Variants in MCTP1 observed in about 807,000 individuals in gnomAD.
The protein encoded by MCTP1 is multiple C2 and transmembrane domain-containing protein 1.
MCTP1 carries 69 observed loss-of-function variants against 120.6 expected under a neutral mutation model. The observed-to-expected ratio is 0.57, with a 90% CI of 0.47 to 0.70. MCTP1 has a LOEUF of 0.70. Among genes scored for constraint, MCTP1 ranks in the 30% least tolerant of loss-of-function variants. MCTP1 has a pLI of 0.00. For missense variants in MCTP1, 1,203 were observed against 1,248.8 expected, an observed-to-expected ratio of 0.96 and a Z score of 0.55; for synonymous variants, 529 against 493.1, an observed-to-expected ratio of 1.07 and a Z score of -0.96.
chr5:95,076,340 T>A (rs1246583349), intron 1 of MCTP1, among the ~76,000 whole-genome samples: 1 of 152,026 alleles, frequency 6.6e-6, no homozygotes, highest in Non-Finnish European at 1.5e-5. Context: ...AAGCATAGCA[T>A]TTTTCAAACT....
At chr5:94,851,524 T>C (rs1245838639) in intron 17 of MCTP1, among the ~76,000 whole-genome samples, 1 of 152,106 alleles carries the variant, frequency 6.6e-6, no homozygotes, top group East Asian at 1.9e-4. Context: ...TTTGCCTATC[T>C]GATAAAGATG....
intron 2 of MCTP1, among the ~76,000 whole-genome samples, chr5:95,002,991 T>A (rs1834019349): frequency 6.6e-6 from 1 of 152,160 alleles, no homozygotes; most frequent in African/African-American, 2.4e-5. Context: ...GCTTCCCCCA[T>A]GCTGTTCTTG....
At position 94,793,846 on chromosome 5, in the gene MCTP1, C is replaced by T. The variant is rs551400860; in HGVS notation, c.2556+5167G>A. Among the ~76,000 whole-genome samples, 46 of 152,306 alleles carry T rather than the reference C, an allele frequency of 3.0e-4. No individual in the cohort carries two copies. In the Middle Eastern group the frequency reaches 0.017, roughly 56 times the overall value. The stretch of plus-strand genomic sequence containing the variant: ...GTCAATCAGATGTTTCTTTGGTGGA[C>T]CATCCCAAACTGTTCAATCAACAGC... On this transcript the variant is annotated intron_variant, in intron 18 of 22. Coordinates refer to ENST00000515393, the MANE Select transcript of MCTP1 (RefSeq NM_024717.7).
chr5:95,160,817 G>T (rs1373010532), intron 1 of MCTP1, among the ~76,000 whole-genome samples: 1 of 151,948 alleles, frequency 6.6e-6, no homozygotes, highest in East Asian at 1.9e-4. Context: ...ATTCTCAAAA[G>T]AAGACATACA....
At chr5:95,125,928 C>T (rs1315144476) in intron 1 of MCTP1, among the ~76,000 whole-genome samples, 1 of 152,220 alleles carries the variant, frequency 6.6e-6, no homozygotes, top group East Asian at 1.9e-4. Context: ...CTTCAAATTA[C>T]TCCAAAACTG....
chr5:94,929,112 C>T (rs17084309), intron 6 of MCTP1, among the ~76,000 whole-genome samples: 4,938 of 152,170 alleles, frequency 0.032, 178 homozygotes, highest in African/African-American at 0.089. Context: ...CATTGCAGAG[C>T]GGGGAGACAG....
chr5:94,812,392 T>C (rs1178941725), intron 17 of MCTP1, among the ~76,000 whole-genome samples: 1 of 150,948 alleles, frequency 6.6e-6, no homozygotes, highest in African/African-American at 2.4e-5. Context: ...AGATGGCTAT[T>C]GTAAAAAGCA....
chr5:95,152,003 A>T (rs1325196915), intron 1 of MCTP1, among the ~76,000 whole-genome samples: 1 of 152,266 alleles, frequency 6.6e-6, no homozygotes, highest in Admixed American at 6.5e-5. Flanking sequence ...ATAGCCAAAG[A>T]TAATACTTTG....
intron 1 of MCTP1, among the ~76,000 whole-genome samples, chr5:95,086,252 A>G (rs760679507): frequency 6.6e-6 from 1 of 152,070 alleles, no homozygotes; most frequent in Admixed American, 6.5e-5. Context: ...TCGGCTATGT[A>G]CCCCCGTACA....
At chr5:94,980,310 A>C (rs944553536) in intron 2 of MCTP1, among the ~76,000 whole-genome samples, 3 of 152,136 alleles carry the variant, frequency 2.0e-5, no homozygotes, top group African/African-American at 7.2e-5. Context: ...TGATGAATGA[A>C]TAATCTTATA....
At chr5:95,149,366 C>G (rs558751984) in intron 1 of MCTP1, among the ~76,000 whole-genome samples, 1 of 152,086 alleles carries the variant, frequency 6.6e-6, no homozygotes, top group African/African-American at 2.4e-5. Flanking sequence ...TCCAAGGTGG[C>G]GAGTCTTGCC....
intron 12 of MCTP1, among the ~76,000 whole-genome samples, chr5:94,885,804 T>G (rs1403613845): frequency 6.6e-6 from 1 of 152,158 alleles, no homozygotes; most frequent in East Asian, 1.9e-4. Flanking sequence ...GTGACTCAAA[T>G]TTTTTCCCTT....
intron 2 of MCTP1, among the ~76,000 whole-genome samples, chr5:95,001,312 A>C (rs188159581): frequency 6.6e-6 from 1 of 152,200 alleles, no homozygotes. Flanking sequence ...CTGTAAAGAT[A>C]CCAAAAAATG....
chr5:95,125,441 T>A (rs1758550208), intron 1 of MCTP1, among the ~76,000 whole-genome samples: 1 of 152,196 alleles, frequency 6.6e-6, no homozygotes, highest in Non-Finnish European at 1.5e-5. Context: ...TAAAGACTCT[T>A]CTTCCTGGAA....
At chr5:94,934,493 G>A (rs1219294071) in intron 5 of MCTP1, among the ~76,000 whole-genome samples, 2 of 151,720 alleles carry the variant, frequency 1.3e-5, no homozygotes, top group Non-Finnish European at 3.0e-5. Flanking sequence ...TAGAGCTGCA[G>A]AAGTAATTGT....
At chr5:94,949,812 G>T (rs1484820056) in intron 3 of MCTP1, among the ~76,000 whole-genome samples, 1 of 152,114 alleles carries the variant, frequency 6.6e-6, no homozygotes, top group African/African-American at 2.4e-5. Flanking sequence ...TAGTCCCTAA[G>T]AAATCTTTTG....
At chr5:95,182,744 G>T (rs995610810) in intron 1 of MCTP1, among the ~76,000 whole-genome samples, 1 of 151,978 alleles carries the variant, frequency 6.6e-6, no homozygotes, top group Admixed American at 6.6e-5. Flanking sequence ...AAAATGGGGG[G>T]GACTCATGTT....
chr5:95,161,844 C>G (rs1745776721), intron 1 of MCTP1, among the ~76,000 whole-genome samples: 1 of 152,154 alleles, frequency 6.6e-6, no homozygotes, highest in African/African-American at 2.4e-5. Context: ...GTTGCACAGC[C>G]TGTGCTCTGC....
chr5:95,137,563 T>C (rs574911373), intron 1 of MCTP1, among the ~76,000 whole-genome samples: 2 of 152,360 alleles, frequency 1.3e-5, no homozygotes, highest in East Asian at 1.9e-4. Context: ...TGCATGGACA[T>C]TGAACTTCTC....
Sources: gnomAD v4.1 joint callset for allele counts (sites outside exome capture counted in the v4.1 genomes callset) on GRCh38, gnomAD v4.1.1 for gene constraint, MANE v1.5 for transcripts, NCBI Gene and HGNC (gene_info 2026-07-23, HGNC 2026-07-21) for gene names.